The following MYRIP variants were observed in gnomAD, a reference collection of about 807,000 sequenced individuals.
The protein encoded by MYRIP is rab effector MyRIP.
MYRIP carries 49 observed loss-of-function variants against 98.0 expected under a neutral mutation model. The observed-to-expected ratio is 0.50, with a 90% CI of 0.40 to 0.63. The LOEUF (loss-of-function observed/expected upper bound fraction) is 0.63, where lower values mean the gene tolerates loss of function less well. Among genes scored for constraint, MYRIP ranks in the 30% least tolerant of loss-of-function variants. The pLI, the probability that MYRIP is intolerant of heterozygous loss-of-function variation, is 0.00. For synonymous variants in MYRIP, 404 were observed against 409.5 expected, an observed-to-expected ratio of 0.99 and a Z score of 0.16; for missense variants, 1,004 against 1,058.2, an observed-to-expected ratio of 0.95 and a Z score of 0.71.
chr3:40,034,653 A>G (rs1308913355), intron 2 of MYRIP, among the ~76,000 whole-genome samples: 7 of 149,688 alleles, frequency 4.7e-5, no homozygotes, highest in Admixed American at 6.6e-5. Context: ...ACCATTGTGG[A>G]AGTGGGTGTG....
chr3:39,958,972 A>G (rs1440783672), intron 2 of MYRIP, among the ~76,000 whole-genome samples: 1 of 152,164 alleles, frequency 6.6e-6, no homozygotes, highest in Non-Finnish European at 1.5e-5. Context: ...CAAAACCGCA[A>G]TGAGATACCA....
intron 3 of MYRIP, among the ~76,000 whole-genome samples, chr3:40,141,658 T>C: frequency 6.6e-6 from 1 of 152,214 alleles, no homozygotes. Flanking sequence ...CATAATTCTG[T>C]ATATAGATAT....
intron 9 of MYRIP, among the ~76,000 whole-genome samples, chr3:40,185,860 G>A (rs1951020771): frequency 6.6e-6 from 1 of 152,048 alleles, no homozygotes; most frequent in African/African-American, 2.4e-5. Context: ...GGCTCATTGA[G>A]AGCTGCTCAA....
chr3:40,130,581 C>T (rs148667735), intron 3 of MYRIP, among the ~76,000 whole-genome samples: 59 of 151,700 alleles, frequency 3.9e-4, no homozygotes, highest in Admixed American at 3.2e-3. Flanking sequence ...GGGGTTTCAC[C>T]GTGTTAGCCA....
chr3:40,104,735 G>T (rs140092094), intron 3 of MYRIP, among the ~76,000 whole-genome samples: 26 of 152,250 alleles, frequency 1.7e-4, no homozygotes, highest in African/African-American at 6.0e-4. Flanking sequence ...CTGTCACTGA[G>T]ATTTTTAATC....
At chr3:39,882,845 C>T (rs1316670751) in intron 1 of MYRIP, among the ~76,000 whole-genome samples, 1 of 151,994 alleles carries the variant, frequency 6.6e-6, no homozygotes, top group Admixed American at 6.6e-5. Context: ...ATATAACCCT[C>T]CCCACTGCAC....
chr3:40,218,659 T>C (rs867460786), intron 11 of MYRIP, among the ~76,000 whole-genome samples: 249 of 134,948 alleles, frequency 1.8e-3, no homozygotes, highest in Middle Eastern at 7.8e-3. Context: ...TATATATACA[T>C]ACACACACAT....
At chr3:40,047,848 C>T (rs1176489230) in intron 3 of MYRIP, among the ~76,000 whole-genome samples, 1 of 152,062 alleles carries the variant, frequency 6.6e-6, no homozygotes, top group Non-Finnish European at 1.5e-5. Context: ...TTGAAGGATG[C>T]CTTAGAAGAG....
intron 1 of MYRIP, among the ~76,000 whole-genome samples, chr3:39,858,387 T>C (rs1194879448): frequency 1.3e-5 from 2 of 151,936 alleles, no homozygotes; most frequent in African/African-American, 4.8e-5. Flanking sequence ...CCTAACTATA[T>C]AAAGAAAATA....
At chr3:39,888,769 C>T (rs1943390606) in intron 1 of MYRIP, among the ~76,000 whole-genome samples, 1 of 152,196 alleles carries the variant, frequency 6.6e-6, no homozygotes, top group African/African-American at 2.4e-5. Flanking sequence ...AAAATTTTCG[C>T]AACCTACTCA....
chr3:40,229,095 C>T (rs890626082), intron 11 of MYRIP, among the ~76,000 whole-genome samples: 6 of 152,158 alleles, frequency 3.9e-5, no homozygotes, highest in Admixed American at 1.3e-4. Context: ...AGATTGCTAA[C>T]GAGCAGATAT....
At chr3:40,178,677 G>A (rs968713171) in intron 8 of MYRIP, among the ~76,000 whole-genome samples, 1 of 152,116 alleles carries the variant, frequency 6.6e-6, no homozygotes, top group African/African-American at 2.4e-5. Context: ...TGCTTTCTCT[G>A]CGCTATGCAT....
chr3:39,855,799 C>G (rs1180896030), intron 1 of MYRIP, among the ~76,000 whole-genome samples: 1 of 152,172 alleles, frequency 6.6e-6, no homozygotes, highest in Non-Finnish European at 1.5e-5. Context: ...AGCTCCTGCA[C>G]TCCTGCACTT....
chr3:39,932,118 A>G (rs576506221), intron 2 of MYRIP, among the ~76,000 whole-genome samples: 16 of 152,240 alleles, frequency 1.1e-4, no homozygotes, highest in African/African-American at 3.1e-4. Context: ...GCTGGTCCTC[A>G]TTAGCCCTCC....
At chr3:40,187,038 T>C (rs566635876) in intron 9 of MYRIP, among the ~76,000 whole-genome samples, 2 of 152,248 alleles carry the variant, frequency 1.3e-5, no homozygotes, top group African/African-American at 2.4e-5. Flanking sequence ...GATATTAATA[T>C]GTCATACTGA....
intron 2 of MYRIP, among the ~76,000 whole-genome samples, chr3:39,916,444 A>G (rs1325978540): frequency 2.0e-5 from 3 of 152,002 alleles, no homozygotes; most frequent in African/African-American, 7.2e-5. Flanking sequence ...TACCTGGCCA[A>G]CTAACACTAA....
chr3:40,091,588 T>C lies in MYRIP; in HGVS notation c.332+47317T>C, dbSNP rs539443133. Among the ~76,000 whole-genome samples, 295 of 152,354 alleles carry C rather than the reference T, an allele frequency of 1.9e-3. 2 individuals are homozygous for C. Among genetic ancestry groups the C allele is most frequent in the African/African-American group, 6.8e-3 (282 of 41,588 alleles). On this transcript the variant is annotated intron_variant, in intron 3 of 16. Transcript: ENST00000302541. ...CCCCAGACCTCTTCCTGTTGTCTAA[T>C]TGAAATACTAAGCACACACTTTTGC...
At chr3:39,812,263 A>G (rs1345867544) in intron 1 of MYRIP, among the ~76,000 whole-genome samples, 3 of 152,162 alleles carry the variant, frequency 2.0e-5, no homozygotes, top group Non-Finnish European at 4.4e-5. Context: ...TTTTATTTTT[A>G]TTACTATTGT....
chr3:39,816,154 T>C (rs1940901901), intron 1 of MYRIP, among the ~76,000 whole-genome samples: 2 of 151,916 alleles, frequency 1.3e-5, no homozygotes, highest in African/African-American at 4.8e-5. Context: ...CAATCTCGGC[T>C]CACTGCAAGC....
Sources: gnomAD v4.1 joint callset for allele counts (sites outside exome capture counted in the v4.1 genomes callset) on GRCh38, gnomAD v4.1.1 for gene constraint, MANE v1.5 for transcripts, NCBI Gene and HGNC (gene_info 2026-07-23, HGNC 2026-07-21) for gene names.